ARRDC2: variants seen among roughly 807,000 people sequenced by gnomAD.
ARRDC2 encodes the protein arrestin domain containing 2.
Under a neutral mutation model 38.9 loss-of-function variants are expected in ARRDC2, and 39 were observed. The ratio of observed to expected loss-of-function variants is 1.00; its 90% confidence interval spans 0.78 to 1.31. The LOEUF (loss-of-function observed/expected upper bound fraction) is 1.31, where lower values mean the gene tolerates loss of function less well. ARRDC2 is among the 50% of genes most tolerant of loss of function. The pLI, the probability that ARRDC2 is intolerant of heterozygous loss-of-function variation, is 0.00. For missense variants in ARRDC2, 553 were observed against 588.4 expected, an observed-to-expected ratio of 0.94 and a Z score of 0.62; for synonymous variants, 300 against 261.9, an observed-to-expected ratio of 1.15 and a Z score of -1.41.
upstream of ARRDC2, among the ~76,000 whole-genome samples, chr19:18,005,679 CCA>C (rs2033259623): frequency 1.3e-5 from 2 of 150,790 alleles, no homozygotes; most frequent in Non-Finnish European, 2.9e-5. Context: ...GCTGACCCCC[CCA>C]CCTCCCTCCC....
At chr19:18,006,759 T>A (rs958993570), upstream of ARRDC2, among the ~76,000 whole-genome samples, 6 of 152,166 alleles carry the variant, frequency 3.9e-5, no homozygotes, top group Non-Finnish European at 8.8e-5. Context: ...GCCCCACCCA[T>A]CTCTGGGCCT....
intron 6 of ARRDC2, 61 bp downstream of exon 6, chr19:18,010,419 G>A: frequency 6.4e-7 from 1 of 1,573,724 alleles, no homozygotes; most frequent in Non-Finnish European, 8.6e-7. Flanking sequence ...GTGGATGCCG[G>A]GTCAACTCTC....
chr19:18,012,671 C>T (rs900551239), intron 7 of ARRDC2, among the ~76,000 whole-genome samples: 44 of 152,240 alleles, frequency 2.9e-4, no homozygotes, highest in Non-Finnish European at 1.2e-4. Flanking sequence ...ATATCAGGGA[C>T]CTGAGCATCT....
chr19:18,009,343 T>G, intron 3 of ARRDC2: 1 of 646,188 alleles, frequency 1.5e-6, no homozygotes, highest in South Asian at 1.9e-5. Context: ...GCCTCTTCTG[T>G]GAAATAGACC....
rs184238342 is a variant in ARRDC2, at chr19:18,002,976, G to A, written c.259+1403G>A. ...AAATTAGCTGGGCGTGCTGGTGGGCGCCTGAAATCCCAGCAACTCGGGAGG... is the reference window on the plus strand; with the variant it reads ...AAATTAGCTGGGCGTGCTGGTGGGCACCTGAAATCCCAGCAACTCGGGAGG... On this transcript the variant is annotated intron_variant, in intron 1 of 7. Transcript: ENST00000379656. Among the ~76,000 whole-genome samples, 239 of 152,170 alleles carry A rather than the reference G, an allele frequency of 1.6e-3. 1 individual carries two copies. Among genetic ancestry groups the A allele is most frequent in the African/African-American group, 5.6e-3 (232 of 41,522 alleles).
chr19:18,006,855 C>T (rs1286975925), upstream of ARRDC2, among the ~76,000 whole-genome samples: 2 of 152,124 alleles, frequency 1.3e-5, no homozygotes, highest in South Asian at 2.1e-4. Flanking sequence ...TCCTCCCGGA[C>T]TTAACGGCCT....
intron 1 of ARRDC2, among the ~76,000 whole-genome samples, chr19:18,002,049 C>G (rs2033195587): frequency 6.6e-6 from 1 of 152,116 alleles, no homozygotes; most frequent in East Asian, 1.9e-4. Context: ...GCAGGGGGAC[C>G]CTCCTATTAG....
At chr19:18,010,424 ACT>A (rs2146006870) in intron 6 of ARRDC2, 66 bp downstream of exon 6, 16 of 1,569,086 alleles carry the variant, frequency 1.0e-5, no homozygotes, top group Non-Finnish European at 1.4e-5. Flanking sequence ...TGCCGGGTCA[ACT>A]CTCTCACCAC....
Position 18,010,558 on chromosome 19 carries a change from T to C in ARRDC2, c.1013-14T>C, listed in dbSNP as rs977772145. 4 of 1,613,046 alleles carry C rather than the reference T, an allele frequency of 2.5e-6. No homozygotes were observed. Among genetic ancestry groups the C allele is most frequent in the Admixed American group, 3.3e-5 (2 of 60,024 alleles). On this transcript the variant is annotated splice_polypyrimidine_tract_variant and intron_variant, in intron 6 of 7. Coordinates refer to ENST00000222250, the MANE Select transcript of ARRDC2 (RefSeq NM_015683.2). ...TCTCCTGCCAACCTCACCCACCCTGTCTCTCGCTTCCAGCTCCTCCTGAGT... is the reference window on the plus strand; with the variant it reads ...TCTCCTGCCAACCTCACCCACCCTGCCTCTCGCTTCCAGCTCCTCCTGAGT...
intron 7 of ARRDC2, among the ~76,000 whole-genome samples, chr19:18,012,016 G>T (rs190844228): frequency 7.2e-6 from 1 of 138,640 alleles, no homozygotes; most frequent in African/African-American, 2.7e-5. Context: ...GAGTGAAGTG[G>T]CACAATCTCG....
At chr19:18,011,280 AGCTACCAC>A (rs2033406666) in intron 7 of ARRDC2, among the ~76,000 whole-genome samples, 1 of 152,158 alleles carries the variant, frequency 6.6e-6, no homozygotes, top group African/African-American at 2.4e-5. Flanking sequence ...TATATGCGTG[AGCTACCAC>A]GCCCGGCCAA....
intron 7 of ARRDC2, among the ~76,000 whole-genome samples, chr19:18,010,974 C>T (rs2033400488): frequency 6.6e-6 from 1 of 151,756 alleles, no homozygotes; most frequent in African/African-American, 2.4e-5. Flanking sequence ...GCCACCACAT[C>T]CTGCTAATTT....
At chr19:18,009,347 A>G (rs1411820679) in intron 3 of ARRDC2, 1 of 643,714 alleles carries the variant, frequency 1.6e-6, no homozygotes, top group Non-Finnish European at 2.7e-6. Context: ...CTTCTGTGAA[A>G]TAGACCAGAG....
At chr19:18,011,934 G>GTATATATATATATATA (rs780182812) in intron 7 of ARRDC2, among the ~76,000 whole-genome samples, 1 of 68,388 alleles carries the variant, frequency 1.5e-5, no homozygotes, top group African/African-American at 5.1e-5. Context: ...GTGTATATGT[G>GTATATATATATATATA]TATATATATA....
At chr19:18,004,763 G>T (rs1408312800), upstream of ARRDC2, among the ~76,000 whole-genome samples, 1 of 151,482 alleles carries the variant, frequency 6.6e-6, no homozygotes, top group Non-Finnish European at 1.5e-5. Context: ...ACTTTGGGAG[G>T]CTGAGGCGGG....
upstream of ARRDC2, among the ~76,000 whole-genome samples, chr19:18,003,471 C>T (rs2033217134): frequency 1.4e-5 from 2 of 147,166 alleles, no homozygotes; most frequent in Non-Finnish European, 3.0e-5. Context: ...TTTTGTTTTT[C>T]TGAGACAGAG....
upstream of ARRDC2, among the ~76,000 whole-genome samples, chr19:18,003,329 C>T (rs961779507): frequency 5.3e-5 from 8 of 152,122 alleles, no homozygotes; most frequent in Admixed American, 1.3e-4. Context: ...TGCAGTGGCA[C>T]GATCTCGGCT....
At chr19:18,006,125 C>T (rs2033272518), upstream of ARRDC2, among the ~76,000 whole-genome samples, 1 of 150,128 alleles carries the variant, frequency 6.7e-6, no homozygotes, top group South Asian at 2.1e-4. Context: ...CGGGCAGAGA[C>T]GCTCCTCACT....
upstream of ARRDC2, among the ~76,000 whole-genome samples, chr19:18,003,704 A>T (rs1409519407): frequency 6.6e-6 from 1 of 151,660 alleles, no homozygotes; most frequent in Non-Finnish European, 1.5e-5. Context: ...CAGTGGCACC[A>T]TCTCGGCTCA....
Sources: allele counts gnomAD v4.1 joint callset (sites outside exome capture counted in the v4.1 genomes callset), GRCh38; gene constraint gnomAD v4.1.1; transcripts MANE v1.5; gene names NCBI Gene and HGNC (gene_info 2026-07-23, HGNC 2026-07-21).